The following SEMA6D variants were observed in gnomAD, a reference collection of about 807,000 sequenced individuals.
SEMA6D encodes semaphorin-6D.
In SEMA6D, 35 loss-of-function variants were observed where a neutral mutation model predicts 106.6. The observed-to-expected ratio is 0.33, with a 90% CI of 0.25 to 0.44. The LOEUF (loss-of-function observed/expected upper bound fraction) is 0.44. Ranked by LOEUF, SEMA6D falls within the 20% of genes least tolerant of loss-of-function variation. The probability of loss-of-function intolerance (pLI) is 1.00; values close to 1 mark genes in which losing one functional copy is unlikely to be tolerated. For missense variants in SEMA6D, 1,185 were observed against 1,345.9 expected (o/e 0.88, Z 1.87); for synonymous variants, 499 against 487.7 (o/e 1.02, Z -0.31).
At chr15:47,451,569 G>A (rs549886987) in intron 2 of SEMA6D, among the ~76,000 whole-genome samples, 1 of 152,066 alleles carries the variant, frequency 6.6e-6, no homozygotes, top group South Asian at 2.1e-4. Flanking sequence ...GAATAGAAAG[G>A]TTACATAGGA....
At chr15:47,317,203 C>CAT (rs1413335098) in intron 1 of SEMA6D, among the ~76,000 whole-genome samples, 1 of 152,084 alleles carries the variant, frequency 6.6e-6, no homozygotes, top group Non-Finnish European at 1.5e-5. Flanking sequence ...TGAAGTTGTT[C>CAT]ATAGTATTCC....
intron 1 of SEMA6D, among the ~76,000 whole-genome samples, chr15:47,746,943 G>A (rs1330857327): frequency 1.4e-5 from 2 of 145,452 alleles, no homozygotes; most frequent in African/African-American, 5.0e-5. Flanking sequence ...AGACACGATT[G>A]TTCATTTCTG....
At chr15:47,217,958 A>G (rs1170842901) in intron 1 of SEMA6D, among the ~76,000 whole-genome samples, 1 of 151,390 alleles carries the variant, frequency 6.6e-6, no homozygotes, top group Non-Finnish European at 1.5e-5. Context: ...TCTCCGCTAT[A>G]AGGAAGGTAT....
At chr15:47,285,144 A>G (rs1389401987) in intron 1 of SEMA6D, among the ~76,000 whole-genome samples, 2 of 152,192 alleles carry the variant, frequency 1.3e-5, no homozygotes, top group Non-Finnish European at 2.9e-5. Flanking sequence ...GCTACAGAGA[A>G]TGCTTTGCAG....
rs556704621 is a variant in SEMA6D, at chr15:47,480,331, T to C, written c.-87+9786T>C. On this transcript the variant is annotated intron_variant, in intron 3 of 19. Coordinates refer to the SEMA6D transcript ENST00000558014. ...TAATGGGTAACTCTAATCATAATAC[T>C]GTCCCACCCAGAAACCTTCAATGGT... Among the ~76,000 whole-genome samples, 3 of 152,242 alleles carry C rather than the reference T, an allele frequency of 2.0e-5. No individual in the cohort carries two copies. The East Asian group carries it at 5.8e-4, about 29-fold the overall frequency.
At chr15:47,325,894 A>C (rs1275069651) in intron 1 of SEMA6D, among the ~76,000 whole-genome samples, 1 of 152,164 alleles carries the variant, frequency 6.6e-6, no homozygotes, top group African/African-American at 2.4e-5. Context: ...TTGTTACCTC[A>C]AGCGGTTGCC....
chr15:47,420,622 A>T (rs281220), intron 2 of SEMA6D, among the ~76,000 whole-genome samples: 95,619 of 151,944 alleles, frequency 0.63, 30,528 homozygotes, highest in Middle Eastern at 0.69. Flanking sequence ...TTTGCTGAAC[A>T]GATGTGAGAA....
chr15:47,247,528 A>G (rs1346422394), intron 1 of SEMA6D, among the ~76,000 whole-genome samples: 1 of 152,212 alleles, frequency 6.6e-6, no homozygotes, highest in Non-Finnish European at 1.5e-5. Flanking sequence ...ATGATTTTAC[A>G]TGAATTACTT....
At chr15:47,721,489 A>G (rs911812809) in intron 1 of SEMA6D, among the ~76,000 whole-genome samples, 4 of 152,198 alleles carry the variant, frequency 2.6e-5, no homozygotes, top group Non-Finnish European at 5.9e-5. Context: ...GGAAAAAAAA[A>G]GTGTTCTGAT....
chr15:47,315,432 C>T (rs1205748964), intron 1 of SEMA6D, among the ~76,000 whole-genome samples: 2 of 151,438 alleles, frequency 1.3e-5, no homozygotes, highest in African/African-American at 4.9e-5. Flanking sequence ...TCTGGACTCT[C>T]TATCCTCTTC....
chr15:47,557,360 A>C (rs939048137), intron 3 of SEMA6D, among the ~76,000 whole-genome samples: 1 of 152,226 alleles, frequency 6.6e-6, no homozygotes. Context: ...TGATTTTACT[A>C]TGTATTTAAT....
intron 4 of SEMA6D, among the ~76,000 whole-genome samples, chr15:47,661,662 G>C (rs541614726): frequency 6.6e-6 from 1 of 152,348 alleles, no homozygotes; most frequent in African/African-American, 2.4e-5. Flanking sequence ...CGTCCAAGAA[G>C]AATAATGACC....
At chr15:47,727,430 C>T (rs141219770) in intron 1 of SEMA6D, among the ~76,000 whole-genome samples, 56 of 152,254 alleles carry the variant, frequency 3.7e-4, no homozygotes, top group South Asian at 2.7e-3. Context: ...AGCCAGAGCT[C>T]CTCAAACATC....
intron 3 of SEMA6D, among the ~76,000 whole-genome samples, chr15:47,544,731 T>G (rs949029182): frequency 2.0e-5 from 3 of 149,018 alleles, no homozygotes; most frequent in African/African-American, 7.5e-5. Flanking sequence ...CATGTGTGGC[T>G]CTGGGAACAT....
intron 1 of SEMA6D, among the ~76,000 whole-genome samples, chr15:47,405,087 G>A (rs2040518026): frequency 6.6e-6 from 1 of 152,090 alleles, no homozygotes; most frequent in Non-Finnish European, 1.5e-5. Context: ...CAGTGCAAAG[G>A]CAGGGCATAT....
intron 1 of SEMA6D, among the ~76,000 whole-genome samples, chr15:47,315,652 A>G (rs1019706362): frequency 1.3e-4 from 20 of 152,124 alleles, no homozygotes; most frequent in African/African-American, 4.8e-4. Flanking sequence ...AGGGATTTTT[A>G]TTGGGTTTGT....
At chr15:47,630,717 TA>T (rs1383689348) in intron 4 of SEMA6D, among the ~76,000 whole-genome samples, 1 of 151,872 alleles carries the variant, frequency 6.6e-6, no homozygotes, top group African/African-American at 2.4e-5. Flanking sequence ...TTACGTATGA[TA>T]TTAGCTGTTG....
chr15:47,689,502 T>G (rs1341390143), intron 4 of SEMA6D, among the ~76,000 whole-genome samples: 1 of 152,240 alleles, frequency 6.6e-6, no homozygotes, highest in Non-Finnish European at 1.5e-5. Context: ...TAAATCAGCT[T>G]CTAGCTCAGT....
intron 1 of SEMA6D, among the ~76,000 whole-genome samples, chr15:47,235,631 G>T (rs1410500474): frequency 6.6e-6 from 1 of 152,020 alleles, no homozygotes; most frequent in Non-Finnish European, 1.5e-5. Context: ...TTGGTTGTAA[G>T]TATTTGTTTT....
Sources: allele counts gnomAD v4.1 joint callset (sites outside exome capture counted in the v4.1 genomes callset), GRCh38; gene constraint gnomAD v4.1.1; transcripts MANE v1.5; gene names NCBI Gene and HGNC (gene_info 2026-07-23, HGNC 2026-07-21).